XIRP2: variants seen among roughly 807,000 people sequenced by gnomAD.
XIRP2 encodes xin actin-binding repeat-containing protein 2.
In XIRP2, 236 loss-of-function variants were observed where a neutral mutation model predicts 277.0. The observed-to-expected ratio is 0.85, with a 90% CI of 0.77 to 0.95. The LOEUF is 0.95. Among genes scored for constraint, XIRP2 ranks in the 40% least tolerant of loss-of-function variants. The probability of loss-of-function intolerance (pLI) is 0.00; values close to 1 mark genes in which losing one functional copy is unlikely to be tolerated. For missense variants in XIRP2, 4,640 were observed against 4,157.5 expected, an observed-to-expected ratio of 1.12 and a Z score of -3.19; for synonymous variants, 1,490 against 1,416.5, an observed-to-expected ratio of 1.05 and a Z score of -1.17.
intron 2 of XIRP2, among the ~76,000 whole-genome samples, chr2:167,075,664 T>A (rs79668258): frequency 0.027 from 4,161 of 152,214 alleles, 63 homozygotes; most frequent in East Asian, 0.052. Context: ...CTTGTCTTTT[T>A]TAGTTTCGCT....
chr2:166,939,304 C>T (rs62196029), intron 2 of XIRP2, among the ~76,000 whole-genome samples: 2,127 of 152,242 alleles, frequency 0.014, 17 homozygotes, highest in Middle Eastern at 0.024. Flanking sequence ...CAAAATCTCT[C>T]AGCATTTGCT....
rs558081859 is a variant in XIRP2, at chr2:167,153,807, A to C, written c.562+17745A>C. Among the ~76,000 whole-genome samples, 8 of 150,144 alleles carry C rather than the reference A, an allele frequency of 5.3e-5. No individual in the cohort carries two copies. In the East Asian group the frequency reaches 1.4e-3, roughly 26 times the overall value. On this transcript the variant is annotated intron_variant, in intron 3 of 10. Coordinates refer to ENST00000409195, the MANE Select transcript of XIRP2 (RefSeq NM_152381.6). ...CCACATTTTCTTAATCCAATCTATCATTGTTGGACATTTGGTTTGGTTCCA... is the reference window on the plus strand; with the variant it reads ...CCACATTTTCTTAATCCAATCTATCCTTGTTGGACATTTGGTTTGGTTCCA...
Position 167,259,244 on chromosome 2 carries a change from G to A in XIRP2, c.*1427G>A, listed in dbSNP as rs772465309. ...CCGCAATAATGAAAACACAGGTTTT[G>A]ATGCTCTGAGCCATGAATGTACAGC... On this transcript the variant is annotated 3_prime_UTR_variant, in exon 11 of 11. Coordinates refer to ENST00000409195, the MANE Select transcript of XIRP2 (RefSeq NM_152381.6). 1 of 1,613,424 alleles carries A rather than the reference G, an allele frequency of 6.2e-7. No homozygotes were observed. Among genetic ancestry groups the A allele is most frequent in the Non-Finnish European group, 8.5e-7 (1 of 1,179,624 alleles).
At chr2:167,085,538 T>A (rs1177640078) in intron 2 of XIRP2, among the ~76,000 whole-genome samples, 2 of 152,110 alleles carry the variant, frequency 1.3e-5, no homozygotes, top group Non-Finnish European at 2.9e-5. Flanking sequence ...ATGTTGACAG[T>A]GGGGTGTTAA....
chr2:167,107,255 G>A (rs910865056), intron 2 of XIRP2, among the ~76,000 whole-genome samples: 14 of 151,784 alleles, frequency 9.2e-5, no homozygotes, highest in Non-Finnish European at 1.8e-4. Flanking sequence ...GATAAGACAG[G>A]TAAGAATGAA....
chr2:167,008,234 AT>A (rs1206199923), intron 2 of XIRP2, among the ~76,000 whole-genome samples: 13 of 151,060 alleles, frequency 8.6e-5, no homozygotes, highest in South Asian at 4.2e-4. Context: ...ACAAAACAAA[AT>A]TTTTTTTTCT....
intron 5 of XIRP2, among the ~76,000 whole-genome samples, chr2:167,225,292 GA>G (rs1410204639): frequency 6.6e-6 from 1 of 152,092 alleles, no homozygotes; most frequent in Admixed American, 6.5e-5. Context: ...GAAAAGAAGA[GA>G]AAAAGAGGAA....
intron 3 of XIRP2, among the ~76,000 whole-genome samples, chr2:167,164,615 C>T (rs1418027102): frequency 2.0e-5 from 3 of 152,080 alleles, no homozygotes; most frequent in African/African-American, 2.4e-5. Flanking sequence ...CTTTTACTGG[C>T]AATAACTCAA....
intron 3 of XIRP2, among the ~76,000 whole-genome samples, chr2:167,207,567 G>A (rs1483328271): frequency 6.6e-6 from 1 of 152,130 alleles, no homozygotes; most frequent in African/African-American, 2.4e-5. Context: ...ACTCTCCATA[G>A]AAAGTAAAAT....
At chr2:167,030,878 A>T (rs1688326398) in intron 2 of XIRP2, among the ~76,000 whole-genome samples, 1 of 152,076 alleles carries the variant, frequency 6.6e-6, no homozygotes, top group Non-Finnish European at 1.5e-5. Flanking sequence ...GTGTTCCTGT[A>T]TTGGGTGCAT....
chr2:167,082,560 CA>C (rs1689769662), intron 2 of XIRP2, among the ~76,000 whole-genome samples: 1 of 152,110 alleles, frequency 6.6e-6, no homozygotes, highest in African/African-American at 2.4e-5. Context: ...ACAGTCCCAC[CA>C]ACAGTGTAAA....
intron 5 of XIRP2, among the ~76,000 whole-genome samples, chr2:167,223,451 G>T (rs1694493684): frequency 6.6e-6 from 1 of 152,092 alleles, no homozygotes; most frequent in Non-Finnish European, 1.5e-5. Flanking sequence ...TAAATGCTAG[G>T]ATTCTGTAAG....
intron 2 of XIRP2, among the ~76,000 whole-genome samples, chr2:166,994,484 A>T (rs949279112): frequency 6.0e-5 from 6 of 99,376 alleles, no homozygotes; most frequent in African/African-American, 1.2e-4. Context: ...TAATAAAAAA[A>T]AAAAAATTAA....
intron 9 of XIRP2, 102 bp from the exon 10 acceptor site, chr2:167,253,930 C>T: frequency 7.4e-7 from 1 of 1,345,328 alleles, no homozygotes; most frequent in Non-Finnish European, 1.0e-6. Context: ...AGCTTTTCTA[C>T]TTTAACCGCA....
chr2:166,918,393 T>C (rs914697546), intron 2 of XIRP2, among the ~76,000 whole-genome samples: 1 of 152,116 alleles, frequency 6.6e-6, no homozygotes, highest in Non-Finnish European at 1.5e-5. Context: ...ATGTTTTCTT[T>C]ATTTCTCCCT....
intron 2 of XIRP2, among the ~76,000 whole-genome samples, chr2:166,986,305 C>T (rs1687003064): frequency 6.6e-6 from 1 of 152,134 alleles, no homozygotes; most frequent in South Asian, 2.1e-4. Context: ...TGAGACTCAT[C>T]ATAATTAACA....
At chr2:167,161,449 G>T (rs1051460579) in intron 3 of XIRP2, among the ~76,000 whole-genome samples, 1 of 152,194 alleles carries the variant, frequency 6.6e-6, no homozygotes, top group Non-Finnish European at 1.5e-5. Context: ...CTAGGCAAAG[G>T]TTCCCAAACC....
chr2:166,951,883 A>G (rs1686043165), intron 2 of XIRP2, among the ~76,000 whole-genome samples: 1 of 152,014 alleles, frequency 6.6e-6, no homozygotes, highest in Admixed American at 6.6e-5. Context: ...ATTGCCTGCT[A>G]CTTGACTTCC....
Position 167,210,859 on chromosome 2 carries a change from T to G in XIRP2, c.687T>G (p.Ala229=). ...AGCGGATGGCGAGGTACCAGGCAGC[T>G]GTTTCCAGGGGTGACTGCCGCAGCT... is the stretch of plus-strand genomic sequence containing the variant. ...LKERMARYQA[A]VSRGDCRSFS... is the part of the protein sequence containing the mutation. The change falls in exon 4 of 11, where the codon GCT becomes GCG. Residue 229 remains alanine, a synonymous_variant. Coordinates refer to ENST00000409195, the MANE Select transcript of XIRP2 (RefSeq NM_152381.6). 6.2e-7 allele frequency: 1 copy of G among 1,614,144 alleles called. No homozygotes were observed. The highest frequency in any genetic ancestry group is 1.3e-5 in the African/African-American group (1 of 75,046).
Sources: gnomAD v4.1 joint callset for allele counts (sites outside exome capture counted in the v4.1 genomes callset) on GRCh38, gnomAD v4.1.1 for gene constraint, MANE v1.5 for transcripts, NCBI Gene and HGNC (gene_info 2026-07-23, HGNC 2026-07-21) for gene names.